The following STT3B variants were observed in gnomAD, a reference collection of about 807,000 sequenced individuals.
STT3B encodes STT3 oligosaccharyltransferase complex catalytic subunit B, also known as dolichyl-diphosphooligosaccharide--protein glycosyltransferase subunit STT3B.
A neutral mutation model predicts 96.8 loss-of-function variants in STT3B; 29 were observed. That is an observed-to-expected ratio of 0.30 (90% confidence interval 0.22 to 0.41). STT3B has a LOEUF of 0.41. Among genes scored for constraint, STT3B ranks in the 10% least tolerant of loss-of-function variants. The pLI, the probability that STT3B is intolerant of heterozygous loss-of-function variation, is 1.00. For synonymous variants in STT3B, 367 were observed against 360.0 expected (o/e 1.02, Z -0.22); for missense variants, 640 against 1,022.3 (o/e 0.63, Z 5.10).
chr3:31,624,348 CTTTTCCA>C (rs1699488685), intron 11 of STT3B, among the ~76,000 whole-genome samples: 2 of 152,276 alleles, frequency 1.3e-5, no homozygotes, highest in South Asian at 4.1e-4. Flanking sequence ...ATTTCATGCT[CTTTTCCA>C]GAATATTTCT....
At chr3:31,597,524 A>G (rs1205589694) in intron 4 of STT3B, among the ~76,000 whole-genome samples, 1 of 150,920 alleles carries the variant, frequency 6.6e-6, no homozygotes, top group African/African-American at 2.4e-5. Context: ...TGGTGCAATC[A>G]TAGCTCACTA....
chr3:31,542,293 G>A (rs549324763), intron 1 of STT3B, among the ~76,000 whole-genome samples: 1 of 152,290 alleles, frequency 6.6e-6, no homozygotes, highest in Admixed American at 6.5e-5. Context: ...CTTGAAAGCA[G>A]GAAAGAGAAT....
intron 1 of STT3B, among the ~76,000 whole-genome samples, chr3:31,536,619 GTTAT>G (rs1375307107): frequency 6.6e-6 from 1 of 152,144 alleles, no homozygotes; most frequent in Non-Finnish European, 1.5e-5. Context: ...TGTCACCCAA[GTTAT>G]TTATCTTACC....
intron 9 of STT3B, among the ~76,000 whole-genome samples, chr3:31,621,520 C>T (rs569824299): frequency 6.6e-6 from 1 of 152,176 alleles, no homozygotes; most frequent in Non-Finnish European, 1.5e-5. Flanking sequence ...TATACATAGC[C>T]TTCAGCCAGA....
At chr3:31,541,472 G>GTTTTTTTTTTTTTTTTTTTTTT (rs1302731899) in intron 1 of STT3B, among the ~76,000 whole-genome samples, 10 of 106,914 alleles carry the variant, frequency 9.4e-5, no homozygotes, top group Non-Finnish European at 1.4e-4. Flanking sequence ...TTCTTTTTTT[G>GTTTTTTTTTTTTTTTTTTTTTT]TTTTTTTTTT....
intron 6 of STT3B, among the ~76,000 whole-genome samples, chr3:31,616,559 CGGA>C (rs1699311149): frequency 6.6e-6 from 1 of 151,772 alleles, no homozygotes; most frequent in Non-Finnish European, 1.5e-5. Flanking sequence ...CAAAACAAAT[CGGA>C]GAATTGTTTT....
chr3:31,618,426 G>GTTTTTT (rs1699358249), intron 8 of STT3B, among the ~76,000 whole-genome samples: 1 of 149,790 alleles, frequency 6.7e-6, no homozygotes, highest in Non-Finnish European at 1.5e-5. Context: ...TTAAATCTGT[G>GTTTTTT]AAACACAAGA....
chr3:31,596,022 T>G (rs1698784482), intron 3 of STT3B, among the ~76,000 whole-genome samples: 2 of 152,238 alleles, frequency 1.3e-5, no homozygotes, highest in African/African-American at 4.8e-5. Flanking sequence ...CCTTTGTATC[T>G]TATCTCCACA....
intron 13 of STT3B, among the ~76,000 whole-genome samples, chr3:31,627,787 T>C (rs1274450798): frequency 6.6e-6 from 1 of 152,238 alleles, no homozygotes; most frequent in Admixed American, 6.5e-5. Context: ...GTGTTAAAAC[T>C]GTGACATGTG....
At chr3:31,592,080 T>G (rs538933017) in intron 3 of STT3B, among the ~76,000 whole-genome samples, 1 of 152,290 alleles carries the variant, frequency 6.6e-6, no homozygotes, top group African/African-American at 2.4e-5. Flanking sequence ...GCTCTTTATT[T>G]TGCAAAACTG....
In STT3B at chr3:31,548,934, T is replaced by C. The variant is rs561425493; in HGVS notation, c.314+15622T>C. 5.3e-5 allele frequency among the ~76,000 whole-genome samples: 8 copies of C among 152,364 alleles called. No homozygotes were observed. In the East Asian group the frequency reaches 7.7e-4, roughly 15 times the overall value. ...CTTACTACATTCTTTGATACTGATA[T>C]GCAATACACATTACCATGTTACAGT... On this transcript the variant is annotated intron_variant, in intron 1 of 15. Coordinates refer to ENST00000295770, the MANE Select transcript of STT3B (RefSeq NM_178862.3).
intron 5 of STT3B, among the ~76,000 whole-genome samples, chr3:31,605,701 T>C (rs1188727062): frequency 6.6e-6 from 1 of 152,200 alleles, no homozygotes; most frequent in Non-Finnish European, 1.5e-5. Flanking sequence ...TATGTCTTTA[T>C]CAGCAGCATG....
At chr3:31,534,951 C>G (rs998602829) in intron 1 of STT3B, among the ~76,000 whole-genome samples, 1 of 152,022 alleles carries the variant, frequency 6.6e-6, no homozygotes, top group Non-Finnish European at 1.5e-5. Context: ...AATACTTAAG[C>G]AAGTTAGATA....
chr3:31,597,352 G>C (rs1381067461), intron 4 of STT3B, among the ~76,000 whole-genome samples: 1 of 151,900 alleles, frequency 6.6e-6, no homozygotes, highest in Non-Finnish European at 1.5e-5. Context: ...TAGAGACGGG[G>C]TTTCACCATG....
intron 1 of STT3B, among the ~76,000 whole-genome samples, chr3:31,570,752 C>G (rs1344009607): frequency 1.3e-5 from 2 of 151,844 alleles, no homozygotes; most frequent in Non-Finnish European, 2.9e-5. Flanking sequence ...CTGAATACAA[C>G]GAAAATGGAA....
intron 1 of STT3B, among the ~76,000 whole-genome samples, chr3:31,540,648 C>T (rs73060024): frequency 2.0e-3 from 301 of 152,136 alleles, no homozygotes; most frequent in South Asian, 9.3e-3. Context: ...CCTGCCTCCC[C>T]GCCCCACAAT....
Position 31,571,794 on chromosome 3 carries a change from A to G in STT3B, c.315-4602A>G, listed in dbSNP as rs2125449466. Among the ~76,000 whole-genome samples, 2 of 151,914 alleles carry G rather than the reference A, an allele frequency of 1.3e-5. 1 individual carries two copies. Among genetic ancestry groups the G allele is most frequent in the Non-Finnish European group, 2.9e-5 (2 of 67,966 alleles). On this transcript the variant is annotated intron_variant, in intron 1 of 15. Transcript: ENST00000295770. ...TTTGGATTGAATTGCTAATGTTCCAACTGAGGTATCCTGGGAATTTGCATG... is the reference window on the plus strand; with the variant it reads ...TTTGGATTGAATTGCTAATGTTCCAGCTGAGGTATCCTGGGAATTTGCATG...
chr3:31,616,722 C>T (rs1217078348), intron 6 of STT3B, among the ~76,000 whole-genome samples: 1 of 146,932 alleles, frequency 6.8e-6, no homozygotes. Context: ...GGAGTCTGAT[C>T]ATTTAGGAAA....
intron 1 of STT3B, among the ~76,000 whole-genome samples, chr3:31,565,630 A>G (rs533917541): frequency 3.4e-4 from 52 of 152,330 alleles, no homozygotes; most frequent in Admixed American, 3.4e-3. Flanking sequence ...AGCTAGAGAT[A>G]GGGACTACTT....
Sources: gnomAD v4.1 joint callset for allele counts (sites outside exome capture counted in the v4.1 genomes callset) on GRCh38, gnomAD v4.1.1 for gene constraint, MANE v1.5 for transcripts, NCBI Gene and HGNC (gene_info 2026-07-23, HGNC 2026-07-21) for gene names.